Variants in CYP3A5 observed in about 807,000 individuals in gnomAD.
CYP3A5 encodes cytochrome P450 family 3 subfamily A member 5.
A neutral mutation model predicts 55.9 loss-of-function variants in CYP3A5; 51 were observed. The ratio of observed to expected loss-of-function variants is 0.91; its 90% CI spans 0.73 to 1.15. CYP3A5 has a LOEUF of 1.15. CYP3A5 is among the 50% of genes most tolerant of loss of function. CYP3A5 has a pLI of 0.00. For missense variants in CYP3A5, 533 were observed against 596.6 expected, an observed-to-expected ratio of 0.89 and a Z score of 1.11; for synonymous variants, 196 against 213.9, an observed-to-expected ratio of 0.92 and a Z score of 0.73.
chr7:99,668,167 C>G (rs1811224013), intron 4 of CYP3A5, among the ~76,000 whole-genome samples: 1 of 152,194 alleles, frequency 6.6e-6, no homozygotes, highest in South Asian at 2.1e-4. Flanking sequence ...ACAAGAAAAA[C>G]AGTATCATTT....
At chr7:99,660,786 G>T (rs1810360594) in intron 9 of CYP3A5, 127 bp from the exon 10 acceptor site, 1 of 1,149,040 alleles carries the variant, frequency 8.7e-7, no homozygotes, top group Non-Finnish European at 1.2e-6. Context: ...AAGTCACACT[G>T]GGAGTGGTTT....
Position 99,648,217 on chromosome 7 carries a change from A to T in CYP3A5, c.*88T>A. 3.3e-6 allele frequency: 5 copies of T among 1,527,632 alleles called. No individual in the cohort carries two copies. The highest frequency in any genetic ancestry group is 1.3e-5 in the South Asian group (1 of 78,498). The allele number at this position is 1,527,632 out of a possible 1,614,324, so 94.6% of individuals were successfully genotyped here. A position where few individuals can be genotyped will look rare whatever the true frequency, so the allele number is the denominator to read the frequency against. ...AGTACATTAGATTAAGCCCATCTTT[A>T]TTTCAAGGTTTTATTGACTAAGTTG... On this transcript the variant is annotated 3_prime_UTR_variant, in exon 13 of 13. Transcript: ENST00000222982.
At chr7:99,658,273 C>T (rs905268076) in intron 10 of CYP3A5, among the ~76,000 whole-genome samples, 1 of 152,104 alleles carries the variant, frequency 6.6e-6, no homozygotes, top group African/African-American at 2.4e-5. Flanking sequence ...TTAGGGCAGG[C>T]CTGGTGGTGA....
intron 10 of CYP3A5, among the ~76,000 whole-genome samples, chr7:99,657,251 T>G (rs996408313): frequency 2.6e-5 from 4 of 152,232 alleles, no homozygotes; most frequent in Non-Finnish European, 4.4e-5. Context: ...CACATTGCTT[T>G]GAATGTGGCC....
At position 99,679,909 on chromosome 7, in the gene CYP3A5, T is replaced by C. The variant is rs1343340359; in HGVS notation, c.-13A>G. On this transcript the variant is annotated 5_prime_UTR_variant, in exon 1 of 13. Transcript: ENST00000222982. ...GGATGAGGTCCATCGCCACTTTCCTTCTTCAACTGTGTTCTGTGAGTCTTC... is the reference window on the plus strand; with the variant it reads ...GGATGAGGTCCATCGCCACTTTCCTCCTTCAACTGTGTTCTGTGAGTCTTC... 6.2e-7 allele frequency: 1 copy of C among 1,612,756 alleles called. No individual in the cohort carries two copies. Among genetic ancestry groups the C allele is most frequent in the South Asian group, 1.1e-5 (1 of 91,062 alleles).
intron 8 of CYP3A5, 128 bp from the exon 9 acceptor site, chr7:99,663,010 G>T: frequency 6.9e-7 from 1 of 1,457,868 alleles, no homozygotes; most frequent in Non-Finnish European, 9.1e-7. Context: ...TCTTGAAGAC[G>T]TGTTACCTGA....
intron 4 of CYP3A5, 121 bp downstream of exon 4, chr7:99,672,459 G>A: frequency 1.3e-6 from 1 of 790,808 alleles, no homozygotes. Context: ...ACAGGATGAA[G>A]AGTACATGGA....
In CYP3A5 at chr7:99,660,676, G is replaced by A; in HGVS notation, c.866-17C>T. On this transcript the variant is annotated splice_polypyrimidine_tract_variant and intron_variant, in intron 9 of 12. Transcript: ENST00000222982. ...CAGACAGAGCTGAAAGGAGAGGAAA[G>A]ACATTTTAGGTAAATCAGGTCAACG... 6.2e-7 allele frequency: 1 copy of A among 1,613,070 alleles called. No individual in the cohort carries two copies. The highest frequency in any genetic ancestry group is 1.1e-5 in the South Asian group (1 of 91,024).
intron 10 of CYP3A5, among the ~76,000 whole-genome samples, chr7:99,658,545 T>A (rs539677625): frequency 6.6e-6 from 1 of 152,164 alleles, no homozygotes; most frequent in Non-Finnish European, 1.5e-5. Flanking sequence ...TTGGTGAATC[T>A]GACAATTATG....
Position 99,672,698 on chromosome 7 carries a change from G to A in CYP3A5, c.219-19C>T, listed in dbSNP as rs1159139302. On this transcript the variant is annotated intron_variant, in intron 3 of 12. Coordinates refer to ENST00000222982, the MANE Select transcript of CYP3A5 (RefSeq NM_000777.5). ...ATACGTTCTGTGTGGGGACAACGGA[G>A]CTGATTAAACTTCACTAGCCCGATT... 6.2e-7 allele frequency: 1 copy of A among 1,613,498 alleles called. No homozygotes were observed. Among genetic ancestry groups the A allele is most frequent in the South Asian group, 1.1e-5 (1 of 90,894 alleles).
intron 1 of CYP3A5, 95 bp downstream of exon 1, chr7:99,679,731 A>G: frequency 8.4e-7 from 1 of 1,190,692 alleles, no homozygotes; most frequent in East Asian, 2.3e-5. Context: ...CTCCTTGAAC[A>G]TCTCTTTTGA....
chr7:99,651,961 G>A (rs1016108602), intron 11 of CYP3A5, among the ~76,000 whole-genome samples: 2 of 152,114 alleles, frequency 1.3e-5, no homozygotes, highest in Middle Eastern at 3.2e-3. Flanking sequence ...GACTTCTCAG[G>A]ACCTCAGCCT....
At chr7:99,657,776 G>C (rs1202780261) in intron 10 of CYP3A5, among the ~76,000 whole-genome samples, 1 of 152,118 alleles carries the variant, frequency 6.6e-6, no homozygotes, top group Non-Finnish European at 1.5e-5. Context: ...CCTGTATTGG[G>C]TGCATATATA....
intron 11 of CYP3A5, 182 bp downstream of exon 11, chr7:99,652,371 A>T: frequency 2.0e-6 from 1 of 491,876 alleles, no homozygotes; most frequent in Non-Finnish European, 3.6e-6. Context: ...CTGTGGATGG[A>T]TGTAGTTTCG....
rs112257049 is a variant in CYP3A5, at chr7:99,666,595, A to G, written c.521+6T>C. On this transcript the variant is annotated splice_donor_region_variant and intron_variant, in intron 6 of 12. Coordinates refer to ENST00000222982, the MANE Select transcript of CYP3A5 (RefSeq NM_000777.5). ...CTCAGAACCCCATGGCTGTGCTCCTACTTACTCTTTCAAGGTGACAGGCTT... is the reference window on the plus strand; with the variant it reads ...CTCAGAACCCCATGGCTGTGCTCCTGCTTACTCTTTCAAGGTGACAGGCTT... 1.2e-6 allele frequency: 2 copies of G among 1,613,270 alleles called. No homozygotes were observed. Among genetic ancestry groups the G allele is most frequent in the East Asian group, 2.2e-5 (1 of 44,848 alleles).
Position 99,662,952 on chromosome 7 carries a change from G to T in CYP3A5, c.799-70C>A. 3.1e-6 allele frequency: 5 copies of T among 1,599,010 alleles called. No individual in the cohort carries two copies. In the South Asian group the frequency reaches 5.6e-5, roughly 18 times the overall value. ...AAGTCAGAAGTAAATCAAAAGTGCA[G>T]TCCTCAACCTCCCTTCTTGACTTCC... is the stretch of plus-strand genomic sequence containing the variant. On this transcript the variant is annotated intron_variant, in intron 8 of 12. Transcript: ENST00000222982. This position sits in a 1 kb window ranked among gnomAD's most constrained non-coding sequence, Gnocchi z 4.3.
At position 99,665,236 on chromosome 7, in the gene CYP3A5, T is replaced by A; in HGVS notation, c.600A>T (p.Gln200His). Reference protein sequence around the residue: ...GVNIDSLNNPQDPFVESTKKF... With the variant: ...GVNIDSLNNPHDPFVESTKKF... The stretch of plus-strand genomic sequence containing the variant: ...TCTTAGTGCTCTCCACAAAGGGGTC[T>A]TGTGGATTGTTGAGAGAGTCGATGT... Residue 200 changes from glutamine to histidine, a missense_variant, in exon 7 of 13, where the codon CAA (glutamine) becomes CAT (histidine). By Grantham distance (24) the Gln-to-His change is conservative. Coordinates refer to ENST00000222982, the MANE Select transcript of CYP3A5 (RefSeq NM_000777.5). 1 of 1,614,172 alleles carries A rather than the reference T, an allele frequency of 6.2e-7. No individual in the cohort carries two copies. The highest frequency in any genetic ancestry group is 8.5e-7 in the Non-Finnish European group (1 of 1,179,994).
At chr7:99,673,032 A>C in intron 3 of CYP3A5, 1 of 289,514 alleles carries the variant, frequency 3.5e-6, no homozygotes, top group South Asian at 1.2e-4. Flanking sequence ...AATGTTTTAT[A>C]TGTTTAAAAT....
chr7:99,675,036 T>C (rs368440631), intron 2 of CYP3A5, among the ~76,000 whole-genome samples: 1 of 152,260 alleles, frequency 6.6e-6, no homozygotes, highest in African/African-American at 2.4e-5. Flanking sequence ...TCTAGAACTC[T>C]AGCAGAATTA....
Sources: gnomAD v4.1 joint callset for allele counts (sites outside exome capture counted in the v4.1 genomes callset) on GRCh38, gnomAD v4.1.1 for gene constraint, Gnocchi (gnomAD v3.1) non-coding constraint, MANE v1.5 for transcripts, NCBI Gene and HGNC (gene_info 2026-07-23, HGNC 2026-07-21) for gene names.